NSD1: variants seen among roughly 807,000 people sequenced by gnomAD.
NSD1 encodes the protein nuclear receptor binding SET domain protein 1.
Under a neutral mutation model 242.7 loss-of-function variants are expected in NSD1, and 26 were observed. That is an observed-to-expected ratio of 0.11 (90% CI 0.08 to 0.15). The LOEUF (loss-of-function observed/expected upper bound fraction) is 0.15. NSD1 is among the 10% of genes least tolerant of loss of function. The pLI, the probability that NSD1 is intolerant of heterozygous loss-of-function variation, is 1.00. For synonymous variants in NSD1, 1,106 were observed against 1,178.1 expected, an observed-to-expected ratio of 0.94 and a Z score of 1.25; for missense variants, 2,495 against 3,272.8, an observed-to-expected ratio of 0.76 and a Z score of 5.80.
rs997467697 is a variant in NSD1, at chr5:177,147,021, A to G, written c.927+10991A>G. 1.3e-4 allele frequency among the ~76,000 whole-genome samples: 19 copies of G among 151,564 alleles called. 1 individual carries two copies. Among genetic ancestry groups the G allele is most frequent in the African/African-American group, 4.4e-4 (18 of 41,278 alleles). On this transcript the variant is annotated intron_variant, in intron 2 of 22. Coordinates refer to ENST00000439151, the MANE Select transcript of NSD1 (RefSeq NM_022455.5). ...GTCTCTGTCTCAAAAAAAAAAAAAAAAGTTGCTAAACATTTCTAATACCAT... is the reference window on the plus strand; with the variant it reads ...GTCTCTGTCTCAAAAAAAAAAAAAAGAGTTGCTAAACATTTCTAATACCAT...
chr5:177,282,369 G>T, intron 18 of NSD1, 96 bp from the exon 19 acceptor site: 1 of 816,120 alleles, frequency 1.2e-6, no homozygotes, highest in South Asian at 1.3e-5. Context: ...CTGCTTTGTA[G>T]AATGTGATGT....
At position 177,204,241 on chromosome 5, in the gene NSD1, A is replaced by G. The variant is rs2149836331; in HGVS notation, c.1185A>G (p.Leu395=). ...AAGGCAGACATCAATTCGAAGAGCT[A>G]CCTGTCCTTAGGAGAAGAGGGAAAC... ...MFEGRHQFEE[L]PVLRRRGKQK... The change falls in exon 4 of 23, where the codon CTA becomes CTG. Residue 395 remains leucine (L), a synonymous_variant. Coordinates refer to ENST00000439151, the MANE Select transcript of NSD1 (RefSeq NM_022455.5). 3 of 1,614,188 alleles carry G rather than the reference A, an allele frequency of 1.9e-6. No individual in the cohort carries two copies. Among genetic ancestry groups the G allele is most frequent in the Non-Finnish European group, 2.5e-6 (3 of 1,180,004 alleles).
chr5:177,251,638 T>C (rs1028635263), intron 11 of NSD1, 92 bp from the exon 12 acceptor site: 1 of 1,375,626 alleles, frequency 7.3e-7, no homozygotes, highest in African/African-American at 1.4e-5. Context: ...TCTGCCACTT[T>C]TAACCTTTGT....
chr5:177,251,025 A>AC (rs1305583470), intron 11 of NSD1, among the ~76,000 whole-genome samples: 5 of 152,080 alleles, frequency 3.3e-5, no homozygotes, highest in Non-Finnish European at 7.4e-5. Flanking sequence ...CCCCATCTCT[A>AC]CTAGAAATAC....
chr5:177,235,837 G>A lies in NSD1; in HGVS notation c.3813G>A (p.Lys1271=), dbSNP rs757401535. 1.9e-5 allele frequency: 31 copies of A among 1,613,984 alleles called. No homozygotes were observed. The highest frequency in any genetic ancestry group is 5.5e-5 in the South Asian group (5 of 91,078). The change falls in exon 6 of 23, where the codon AAG becomes AAA. Residue 1271 remains lysine, a synonymous_variant. Coordinates refer to ENST00000439151, the MANE Select transcript of NSD1 (RefSeq NM_022455.5). ...ELPEPAVRSE[K]KRLRKPSKWL... is the part of the protein sequence containing the mutation. ...ATCTTTTAGCTGTGCGGTCAGAGAA[G>A]AAACGCCTTAGGAAGCCAAGCAAGT...
In NSD1 at chr5:177,210,019, G is replaced by T. The variant is rs1181223763; in HGVS notation, c.1620G>T (p.Gly540=). The T allele has an allele frequency of 1.9e-6, 3 of 1,613,966 alleles. No individual in the cohort carries two copies. The highest frequency in any genetic ancestry group is 1.7e-6 in the Non-Finnish European group (2 of 1,180,044). The change falls in exon 5 of 23, where the codon GGG becomes GGT. Residue 540 remains glycine, a synonymous_variant. Transcript: ENST00000439151. ...PENLGLNFIS[G]DISDTQASNE... ...ACCTTGGCCTAAACTTTATCTCTGG[G>T]GATATATCTGATACGCAGGCCTCTA...
chr5:177,269,385 A>C lies in NSD1; in HGVS notation c.5304-217A>C, dbSNP rs1757778409. Among the ~76,000 whole-genome samples the C allele has an allele frequency of 6.6e-6, 1 of 152,118 alleles. No individual in the cohort carries two copies. The highest frequency in any genetic ancestry group is 2.1e-4 in the South Asian group (1 of 4,828). On this transcript the variant is annotated intron_variant, in intron 15 of 22. Coordinates refer to ENST00000439151, the MANE Select transcript of NSD1 (RefSeq NM_022455.5). The surrounding 1 kb of genome is among the most constrained non-coding windows in gnomAD (Gnocchi z 5.1). ...TCCTTGAAGTAGAATAATTGAGTCTAAGGGAGTGCGCGCCTGTGTGGGAAT... is the reference window on the plus strand; with the variant it reads ...TCCTTGAAGTAGAATAATTGAGTCTCAGGGAGTGCGCGCCTGTGTGGGAAT...
chr5:177,168,925 A>G (rs1474639803), intron 2 of NSD1, among the ~76,000 whole-genome samples: 3 of 152,190 alleles, frequency 2.0e-5, no homozygotes, highest in Non-Finnish European at 4.4e-5. Context: ...GTCAATATGG[A>G]GGATGAGGCA....
At chr5:177,158,367 C>G (rs1423480239) in intron 2 of NSD1, among the ~76,000 whole-genome samples, 1 of 146,746 alleles carries the variant, frequency 6.8e-6, no homozygotes, top group African/African-American at 2.5e-5. Flanking sequence ...AGAACAGAGT[C>G]TCCCTCTGTA....
intron 20 of NSD1, among the ~76,000 whole-genome samples, chr5:177,284,214 T>C: frequency 6.6e-6 from 1 of 152,276 alleles, no homozygotes; most frequent in Non-Finnish European, 1.5e-5. Flanking sequence ...ATTTGACTAC[T>C]ATATGTACTT....
At chr5:177,206,723 G>T (rs946804169) in intron 4 of NSD1, among the ~76,000 whole-genome samples, 1 of 151,950 alleles carries the variant, frequency 6.6e-6, no homozygotes, top group African/African-American at 2.4e-5. Context: ...GGGATGTGTC[G>T]GTTATTTTGT....
At chr5:177,239,324 G>A (rs1038530386) in intron 7 of NSD1, among the ~76,000 whole-genome samples, 1 of 152,130 alleles carries the variant, frequency 6.6e-6, no homozygotes, top group Non-Finnish European at 1.5e-5. Context: ...TATTATTCTT[G>A]AGTGATCCTA....
rs537256152 is a variant in NSD1, at chr5:177,251,082, C to T, written c.4642-648C>T. Among the ~76,000 whole-genome samples, 14 of 151,806 alleles carry T rather than the reference C, an allele frequency of 9.2e-5. No individual in the cohort carries two copies. The South Asian group carries it at 1.2e-3, about 14-fold the overall frequency. ...GCGCATGCCTGTAATCCCAGCTACT[C>T]GGGAGGCTGAGGCAGGAGAATCACT... On this transcript the variant is annotated intron_variant, in intron 11 of 22. Coordinates refer to ENST00000439151, the MANE Select transcript of NSD1 (RefSeq NM_022455.5).
rs116330235 is a variant in NSD1 at position 177,255,883 on chromosome 5, T to C, written c.4766-1068T>C. Among the ~76,000 whole-genome samples, 1,289 of 152,254 alleles carry C rather than the reference T, an allele frequency of 8.5e-3. 20 individuals carry two copies. Among genetic ancestry groups the C allele is most frequent in the African/African-American group, 0.03 (1,230 of 41,532 alleles). ...ATTGCTTCTGGGTGGTTTTTGACTT[T>C]TTATTACAAAAATCTTAAGACATAC... On this transcript the variant is annotated intron_variant, in intron 12 of 22. Coordinates refer to ENST00000439151, the MANE Select transcript of NSD1 (RefSeq NM_022455.5).
At chr5:177,251,702 C>A (rs1554198395) in intron 11 of NSD1, 28 bp from the exon 12 acceptor site, 1 of 1,612,638 alleles carries the variant, frequency 6.2e-7, no homozygotes, top group Non-Finnish European at 8.5e-7. Context: ...CATGGAAAAA[C>A]AGATAGATGT....
chr5:177,287,585 G>T (rs901795957), intron 20 of NSD1, among the ~76,000 whole-genome samples: 1 of 152,136 alleles, frequency 6.6e-6, no homozygotes, highest in Non-Finnish European at 1.5e-5. Context: ...GCAGTGAGCC[G>T]GGATCTCACC....
chr5:177,212,216 T>TAAAA (rs35159794), intron 5 of NSD1, 21 bp downstream of exon 5: 3 of 1,388,758 alleles, frequency 2.2e-6, no homozygotes, highest in African/African-American at 1.5e-5. Context: ...CTAAATGTGA[T>TAAAA]AAAAAAAAAA....
At chr5:177,131,956 A>G (rs1755915775), upstream of NSD1, among the ~76,000 whole-genome samples, 1 of 152,242 alleles carries the variant, frequency 6.6e-6, no homozygotes, top group Non-Finnish European at 1.5e-5. Context: ...GGTGGGGATC[A>G]AGCCCAGGGG....
At chr5:177,220,728 G>A (rs886810135) in intron 5 of NSD1, among the ~76,000 whole-genome samples, 3 of 151,434 alleles carry the variant, frequency 2.0e-5, no homozygotes, top group African/African-American at 4.9e-5. Context: ...GCACCAACAC[G>A]CTTGGCTAAT....
Sources: allele counts gnomAD v4.1 joint callset (sites outside exome capture counted in the v4.1 genomes callset), GRCh38; gene constraint gnomAD v4.1.1; non-coding constraint Gnocchi (gnomAD v3.1); transcripts MANE v1.5; gene names NCBI Gene and HGNC (gene_info 2026-07-23, HGNC 2026-07-21).